Variants in EXOC6B observed in about 807,000 individuals in gnomAD.
EXOC6B encodes the protein exocyst complex component 6B.
EXOC6B carries 54 observed loss-of-function variants against 113.5 expected under a neutral mutation model. That is an observed-to-expected ratio of 0.48 (90% CI 0.38 to 0.60). The LOEUF (loss-of-function observed/expected upper bound fraction) is 0.60, where lower values mean the gene tolerates loss of function less well. Among genes scored for constraint, EXOC6B ranks in the 20% least tolerant of loss-of-function variants. The pLI, the probability that EXOC6B is intolerant of heterozygous loss-of-function variation, is 0.00. For missense variants in EXOC6B, 797 were observed against 977.5 expected (o/e 0.82, Z 2.46); for synonymous variants, 357 against 339.0 (o/e 1.05, Z -0.58).
At chr2:72,293,491 T>G (rs190392323) in intron 20 of EXOC6B, among the ~76,000 whole-genome samples, 1 of 152,192 alleles carries the variant, frequency 6.6e-6, no homozygotes, top group East Asian at 1.9e-4. Flanking sequence ...TTTCATTAGA[T>G]GAATAATTGT....
At chr2:72,188,211 C>G (rs1678574375) in intron 20 of EXOC6B, among the ~76,000 whole-genome samples, 1 of 152,238 alleles carries the variant, frequency 6.6e-6, no homozygotes, top group Non-Finnish European at 1.5e-5. Flanking sequence ...TCTTGCCTCC[C>G]TGCTGCAGCC....
chr2:72,636,058 A>T lies in EXOC6B; in HGVS notation c.670-60390T>A, dbSNP rs561800104. On this transcript the variant is annotated intron_variant, in intron 6 of 21. Transcript: ENST00000272427. ...ATAGGCTTAGGCTATAAGAAACAAA[A>T]AATTTCTTTAAAAAATTAGTCAGGT... Among the ~76,000 whole-genome samples, 5 of 152,140 alleles carry T rather than the reference A, an allele frequency of 3.3e-5. No homozygotes were observed. The South Asian group carries it at 1.0e-3, about 32-fold the overall frequency.
chr2:72,549,259 G>T (rs1044824860), intron 8 of EXOC6B, among the ~76,000 whole-genome samples: 3 of 152,044 alleles, frequency 2.0e-5, no homozygotes, highest in Admixed American at 1.3e-4. Context: ...ATTGTAAGCA[G>T]CTAACATATA....
chr2:72,345,120 G>C (rs1219999513), intron 19 of EXOC6B, among the ~76,000 whole-genome samples: 1 of 152,080 alleles, frequency 6.6e-6, no homozygotes, highest in Non-Finnish European at 1.5e-5. Context: ...AGTGTACTAA[G>C]AAATAAAATT....
intron 1 of EXOC6B, among the ~76,000 whole-genome samples, chr2:72,757,941 G>C (rs1396442498): frequency 6.6e-6 from 1 of 152,020 alleles, no homozygotes; most frequent in Non-Finnish European, 1.5e-5. Context: ...CAGGAAGATT[G>C]CTTGAGCCAA....
intron 7 of EXOC6B, among the ~76,000 whole-genome samples, chr2:72,563,317 A>T (rs963147899): frequency 6.6e-6 from 1 of 152,140 alleles, no homozygotes; most frequent in African/African-American, 2.4e-5. Flanking sequence ...ACTGGCATCC[A>T]CGTTTGGTAT....
chr2:72,641,223 G>A lies in EXOC6B; in HGVS notation c.670-65555C>T, dbSNP rs763756250. Among the ~76,000 whole-genome samples, 89 of 152,326 alleles carry A rather than the reference G, an allele frequency of 5.8e-4. 1 individual carries two copies. Among genetic ancestry groups the A allele is most frequent in the Middle Eastern group, 3.4e-3 (1 of 294 alleles). ...CTAATTGGGACTGGTTGGACAGTGG[G>A]TGCAGCTCAGAGAGGGCGAGCTGAA... On this transcript the variant is annotated intron_variant, in intron 6 of 21. Transcript: ENST00000272427.
At chr2:72,222,386 C>G (rs1385819045) in intron 20 of EXOC6B, among the ~76,000 whole-genome samples, 1 of 152,104 alleles carries the variant, frequency 6.6e-6, no homozygotes. Flanking sequence ...ACCACAAGAA[C>G]AAGTATATAA....
At chr2:72,376,713 G>A (rs191830015) in intron 19 of EXOC6B, among the ~76,000 whole-genome samples, 18 of 152,148 alleles carry the variant, frequency 1.2e-4, no homozygotes, top group Non-Finnish European at 2.4e-4. Context: ...AATTTCCAAC[G>A]TATGTGTCAT....
At chr2:72,528,580 T>G (rs1410028629) in intron 8 of EXOC6B, among the ~76,000 whole-genome samples, 2 of 152,142 alleles carry the variant, frequency 1.3e-5, no homozygotes, top group Non-Finnish European at 2.9e-5. Context: ...ACAAAAAGCT[T>G]GCTGGAACTT....
At chr2:72,550,680 A>G (rs1346382212) in intron 8 of EXOC6B, among the ~76,000 whole-genome samples, 2 of 152,158 alleles carry the variant, frequency 1.3e-5, no homozygotes, top group Admixed American at 6.5e-5. Context: ...GAGCTTTATC[A>G]TCTCTAAATA....
intron 20 of EXOC6B, among the ~76,000 whole-genome samples, chr2:72,275,762 A>G (rs1325527210): frequency 6.6e-6 from 1 of 152,216 alleles, no homozygotes; most frequent in African/African-American, 2.4e-5. Context: ...AGTTCAAGGT[A>G]ACACCTCACA....
intron 2 of EXOC6B, among the ~76,000 whole-genome samples, chr2:72,735,489 T>C (rs1680889541): frequency 6.6e-6 from 1 of 152,154 alleles, no homozygotes; most frequent in Admixed American, 6.5e-5. Flanking sequence ...AACATATCCC[T>C]AGGAACCTAA....
chr2:72,259,131 A>G (rs1253104121), intron 20 of EXOC6B, among the ~76,000 whole-genome samples: 2 of 152,206 alleles, frequency 1.3e-5, no homozygotes, highest in Non-Finnish European at 2.9e-5. Context: ...ACACTGATAT[A>G]ACCCAAACTC....
chr2:72,395,039 C>T (rs1358116232), intron 18 of EXOC6B, among the ~76,000 whole-genome samples: 1 of 151,760 alleles, frequency 6.6e-6, no homozygotes, highest in Non-Finnish European at 1.5e-5. Flanking sequence ...AATTTTGATG[C>T]TTAACTACTA....
chr2:72,752,286 CT>C (rs1682096528), intron 1 of EXOC6B, among the ~76,000 whole-genome samples: 1 of 152,004 alleles, frequency 6.6e-6, no homozygotes, highest in Non-Finnish European at 1.5e-5. Context: ...ATATTTGTTC[CT>C]TCTTATCTCT....
At chr2:72,521,392 C>T (rs1701479745) in intron 8 of EXOC6B, among the ~76,000 whole-genome samples, 1 of 152,066 alleles carries the variant, frequency 6.6e-6, no homozygotes, top group South Asian at 2.1e-4. Context: ...CACAAATGGA[C>T]TAAGACACTG....
intron 18 of EXOC6B, among the ~76,000 whole-genome samples, chr2:72,403,429 A>G (rs1693483062): frequency 6.6e-6 from 1 of 152,172 alleles, no homozygotes; most frequent in Non-Finnish European, 1.5e-5. Flanking sequence ...GCTCATACCT[A>G]TAATCACAGT....
intron 18 of EXOC6B, among the ~76,000 whole-genome samples, chr2:72,395,364 A>G (rs773092343): frequency 3.3e-5 from 5 of 152,148 alleles, no homozygotes; most frequent in Non-Finnish European, 7.4e-5. Context: ...TAACTGGTCA[A>G]TACCCTAAAT....
Sources: allele counts gnomAD v4.1 joint callset (sites outside exome capture counted in the v4.1 genomes callset), GRCh38; gene constraint gnomAD v4.1.1; transcripts MANE v1.5; gene names NCBI Gene and HGNC (gene_info 2026-07-23, HGNC 2026-07-21).